ITGA8: variants seen among roughly 807,000 people sequenced by gnomAD.
ITGA8 encodes the protein integrin subunit alpha 8.
ITGA8 carries 91 observed loss-of-function variants against 142.3 expected under a neutral mutation model. The ratio of observed to expected loss-of-function variants is 0.64; its 90% confidence interval spans 0.54 to 0.76. ITGA8 has a LOEUF of 0.76. Ranked by LOEUF, ITGA8 falls within the 30% of genes least tolerant of loss-of-function variation. ITGA8 has a pLI of 0.00. For synonymous variants in ITGA8, 505 were observed against 485.2 expected, an observed-to-expected ratio of 1.04 and a Z score of -0.54; for missense variants, 1,406 against 1,327.7, an observed-to-expected ratio of 1.06 and a Z score of -0.92.
At chr10:15,659,085 C>A (rs1243923968) in intron 9 of ITGA8, 30 bp from the exon 10 acceptor site, 5 of 1,501,642 alleles carry the variant, frequency 3.3e-6, no homozygotes, top group Non-Finnish European at 3.6e-6. Flanking sequence ...ACAGGTTACA[C>A]CATTTGCCAT....
intron 2 of ITGA8, among the ~76,000 whole-genome samples, chr10:15,712,897 G>A (rs1835387588): frequency 6.6e-6 from 1 of 152,222 alleles, no homozygotes; most frequent in Non-Finnish European, 1.5e-5. Flanking sequence ...GAATATTCCT[G>A]CCAAGAACCT....
intron 4 of ITGA8, among the ~76,000 whole-genome samples, chr10:15,679,452 C>T (rs1050381445): frequency 7.2e-5 from 11 of 151,974 alleles, no homozygotes; most frequent in African/African-American, 2.4e-4. Flanking sequence ...CATGGTGGTG[C>T]ATGCCTGCAG....
intron 11 of ITGA8, among the ~76,000 whole-genome samples, chr10:15,654,588 G>A (rs907579323): frequency 1.3e-5 from 2 of 152,140 alleles, no homozygotes; most frequent in Non-Finnish European, 2.9e-5. Context: ...TGCTTAGCCC[G>A]TTGCCTAGAA....
chr10:15,534,297 CTGAGA>C (rs1833373825), intron 27 of ITGA8, among the ~76,000 whole-genome samples: 1 of 152,208 alleles, frequency 6.6e-6, no homozygotes, highest in Non-Finnish European at 1.5e-5. Context: ...TTCAGTGAGA[CTGAGA>C]TGAGACTGTA....
In ITGA8 at chr10:15,684,204, A is replaced by G. The variant is rs1834794993; in HGVS notation, c.445-77T>C. ...CTACAGTTTTATTTGAATTATTGGT[A>G]TAACAAACTGTTAAATTATTGGGTG... On this transcript the variant is annotated intron_variant, in intron 3 of 29. Coordinates refer to ENST00000378076, the MANE Select transcript of ITGA8 (RefSeq NM_003638.3). The G allele has an allele frequency of 5.5e-6, 8 of 1,450,996 alleles. No individual in the cohort carries two copies. In the East Asian group the frequency reaches 9.2e-5, roughly 17 times the overall value. The allele number at this position is 1,450,996 out of a possible 1,614,324, so 89.9% of individuals were successfully genotyped here.
At chr10:15,655,503 C>A in intron 10 of ITGA8, 97 bp from the exon 11 acceptor site, 1 of 851,092 alleles carries the variant, frequency 1.2e-6, no homozygotes. Flanking sequence ...CATTGTGGTA[C>A]ATTTTTGCAT....
intron 2 of ITGA8, among the ~76,000 whole-genome samples, chr10:15,700,483 G>A (rs982309238): frequency 6.6e-6 from 1 of 152,192 alleles, no homozygotes; most frequent in African/African-American, 2.4e-5. Flanking sequence ...TTACTCAGAT[G>A]AGAGTATTGT....
intron 13 of ITGA8, among the ~76,000 whole-genome samples, chr10:15,624,275 C>G: frequency 6.6e-6 from 1 of 152,306 alleles, no homozygotes; most frequent in East Asian, 1.9e-4. Flanking sequence ...GCTGAAAAAT[C>G]AGCAATTCTC....
At position 15,524,026 on chromosome 10, in the gene ITGA8, T is replaced by C. The variant is rs1833120196; in HGVS notation, c.2983-4614A>G. ...TATGCATTTCCTCCATGTCATCCTGTGCAATTCATTAGCGGGAAAGAATAC... is the reference window on the plus strand; with the variant it reads ...TATGCATTTCCTCCATGTCATCCTGCGCAATTCATTAGCGGGAAAGAATAC... On this transcript the variant is annotated intron_variant, in intron 28 of 29. Transcript: ENST00000378076. Among the ~76,000 whole-genome samples, 6 of 152,358 alleles carry C rather than the reference T, an allele frequency of 3.9e-5. No individual in the cohort carries two copies. The South Asian group carries it at 1.2e-3, about 32-fold the overall frequency.
intron 3 of ITGA8, among the ~76,000 whole-genome samples, chr10:15,687,024 A>G (rs1453122913): frequency 1.3e-5 from 2 of 152,298 alleles, no homozygotes; most frequent in Admixed American, 6.5e-5. Context: ...AAAAGTTCTT[A>G]CAAATTCTGG....
In ITGA8 at chr10:15,671,595, C is replaced by G; in HGVS notation, c.847+8G>C. 2 of 1,608,232 alleles carry G rather than the reference C, an allele frequency of 1.2e-6. No homozygotes were observed. Among genetic ancestry groups the G allele is most frequent in the Non-Finnish European group, 1.7e-6 (2 of 1,174,874 alleles). On this transcript the variant is annotated splice_region_variant and intron_variant, in intron 8 of 29. Transcript: ENST00000378076. ...TATAAGTGATTTAAACTCAACAGTG[C>G]CTCTCACCTTGCTGAGAATCCCCAG... is the stretch of plus-strand genomic sequence containing the variant.
chr10:15,678,130 T>C (rs959156774), intron 5 of ITGA8, among the ~76,000 whole-genome samples: 6 of 152,084 alleles, frequency 3.9e-5, no homozygotes, highest in African/African-American at 9.7e-5. Flanking sequence ...TGAATTGACA[T>C]CCTCACCTTT....
intron 26 of ITGA8, among the ~76,000 whole-genome samples, chr10:15,549,901 A>G (rs1833762372): frequency 6.6e-6 from 1 of 152,180 alleles, no homozygotes; most frequent in Non-Finnish European, 1.5e-5. Context: ...CATTTCCTAC[A>G]GGATGCTTCC....
intron 13 of ITGA8, among the ~76,000 whole-genome samples, chr10:15,628,127 C>T (rs1055437685): frequency 2.0e-5 from 3 of 151,860 alleles, no homozygotes; most frequent in South Asian, 2.1e-4. Flanking sequence ...CCTCAGTTCT[C>T]GGAATTACCC....
intron 26 of ITGA8, among the ~76,000 whole-genome samples, chr10:15,552,494 A>G (rs1201904546): frequency 2.0e-5 from 3 of 152,154 alleles, no homozygotes; most frequent in Admixed American, 2.0e-4. Flanking sequence ...GGTTTTTCAG[A>G]GGGATTTTTC....
intron 2 of ITGA8, among the ~76,000 whole-genome samples, chr10:15,713,755 A>C (rs148316271): frequency 2.0e-5 from 3 of 152,132 alleles, no homozygotes; most frequent in Non-Finnish European, 4.4e-5. Flanking sequence ...AGACCCCCCA[A>C]AACAAAGGCT....
chr10:15,701,670 T>G (rs1049020878), intron 2 of ITGA8, among the ~76,000 whole-genome samples: 1 of 152,212 alleles, frequency 6.6e-6, no homozygotes, highest in Non-Finnish European at 1.5e-5. Context: ...CACACAGGTG[T>G]GACCAAACAT....
At chr10:15,673,285 A>T (rs569626567) in intron 6 of ITGA8, among the ~76,000 whole-genome samples, 319 of 152,192 alleles carry the variant, frequency 2.1e-3, no homozygotes, top group African/African-American at 7.1e-3. Flanking sequence ...CAGTTTCACT[A>T]TGTTGGCAAG....
chr10:15,596,935 A>T (rs1300942431), intron 21 of ITGA8: 3 of 363,298 alleles, frequency 8.3e-6, no homozygotes, highest in African/African-American at 6.2e-5. Flanking sequence ...GTAAAAACAA[A>T]GTCTGTATAA....
Sources: gnomAD v4.1 joint callset for allele counts (sites outside exome capture counted in the v4.1 genomes callset) on GRCh38, gnomAD v4.1.1 for gene constraint, MANE v1.5 for transcripts, NCBI Gene and HGNC (gene_info 2026-07-23, HGNC 2026-07-21) for gene names.